Variants in TCF3 observed in about 807,000 individuals in gnomAD.
TCF3 encodes transcription factor E2-alpha.
In TCF3, 54 loss-of-function variants were observed where a neutral mutation model predicts 72.3. The ratio of observed to expected loss-of-function variants is 0.75; its 90% CI spans 0.60 to 0.94. The LOEUF (loss-of-function observed/expected upper bound fraction) is 0.94. Ranked by LOEUF, TCF3 falls within the 40% of genes least tolerant of loss-of-function variation. The pLI is 0.00. For missense variants in TCF3, 1,078 were observed against 934.4 expected, an observed-to-expected ratio of 1.15 and a Z score of -2.00; for synonymous variants, 525 against 412.6, an observed-to-expected ratio of 1.27 and a Z score of -3.30.
chr19:1,650,842 A>C (rs1168183309), intron 1 of TCF3: 1 of 231,456 alleles, frequency 4.3e-6, no homozygotes, highest in Admixed American at 5.6e-5. Context: ...AAACTCTTTT[A>C]CAAGCTTCAA....
rs1039829918 is a variant in TCF3 at position 1,609,435 on chromosome 19, A to C, written c.*2272T>G. ...GTATACAATTATTTTCTTTAAAAAA[A>C]TTTTTTTGAAAACCATCTTGAGGCA... On this transcript the variant is annotated 3_prime_UTR_variant, in exon 19 of 19. Transcript: ENST00000262965. 2 of 205,068 alleles carry C rather than the reference A, an allele frequency of 9.8e-6. No homozygotes were observed. Among genetic ancestry groups the C allele is most frequent in the Non-Finnish European group, 2.0e-5 (2 of 101,100 alleles). 12.7% of individuals were successfully genotyped at this position (205,068 alleles called of 1,614,324 possible).
chr19:1,614,537 CAG>C lies in TCF3; in HGVS notation c.1822+746_1822+747del, dbSNP rs1372911870. On this transcript the variant is annotated intron_variant, in intron 18 of 18. Transcript: ENST00000262965. The surrounding 1 kb of genome is among the most constrained non-coding windows in gnomAD (Gnocchi z 5.6). ...GCGCGAGGCGTGCCACACACGGCTGCAGAGACTCGGAAACCTTAGAGCTGAGG... is the reference window on the plus strand; with the variant it reads ...GCGCGAGGCGTGCCACACACGGCTGCAGACTCGGAAACCTTAGAGCTGAGG... 1.3e-5 allele frequency among the ~76,000 whole-genome samples: 2 copies of C among 152,242 alleles called. No individual in the cohort carries two copies. The highest frequency in any genetic ancestry group is 3.9e-4 in the East Asian group (2 of 5,168).
rs776832736 is a variant in TCF3 at position 1,619,240 on chromosome 19, G to A, written c.1327-6C>T. ...TCGGGGTGGCTGCCTCCAACCTGCA[G>A]GCGTGGGGAGACGGGTGCATCAGGG... On this transcript the variant is annotated splice_region_variant and splice_polypyrimidine_tract_variant and intron_variant, in intron 15 of 18. Transcript: ENST00000262965. 1 of 1,589,824 alleles carries A rather than the reference G, an allele frequency of 6.3e-7. No homozygotes were observed. Among genetic ancestry groups the A allele is most frequent in the Non-Finnish European group, 8.5e-7 (1 of 1,174,654 alleles).
At chr19:1,636,016 C>G (rs2064350580) in intron 3 of TCF3, among the ~76,000 whole-genome samples, 1 of 152,216 alleles carries the variant, frequency 6.6e-6, no homozygotes, top group African/African-American at 2.4e-5. Flanking sequence ...GCAGCCTGTC[C>G]CACCGCCCTG....
At position 1,615,458 on chromosome 19, in the gene TCF3, C is replaced by T. The variant is rs1218052775; in HGVS notation, c.1649G>A (p.Arg550His). The change falls in exon 18 of 19, where the codon CGC (arginine) becomes CAC (histidine). Residue 550 changes from arginine to histidine, a missense_variant. Coordinates refer to ENST00000262965, the MANE Select transcript of TCF3 (RefSeq NM_003200.5). This position sits in a 1 kb window ranked among gnomAD's most constrained non-coding sequence, Gnocchi z 7.3. ...CTCCCGGGCGTTATTGGCCACCCGG[C>T]GCTCCTTCTCCCGCTCGGCCTTCTG... ...PEQKAEREKE[R>H]RVANNARERL... The T allele has an allele frequency of 4.3e-6, 7 of 1,612,822 alleles. No homozygotes were observed. The highest frequency in any genetic ancestry group is 2.2e-5 in the East Asian group (1 of 44,876).
chr19:1,651,216 C>T (rs1000054026), intron 1 of TCF3: 6 of 228,862 alleles, frequency 2.6e-5, no homozygotes, highest in African/African-American at 4.4e-5. Context: ...GCACTCCAGG[C>T]CCCTCCAGTC....
chr19:1,635,739 T>C (rs2064306481), intron 3 of TCF3, among the ~76,000 whole-genome samples: 1 of 152,168 alleles, frequency 6.6e-6, no homozygotes, highest in South Asian at 2.1e-4. Context: ...TCAAGCACAT[T>C]AAAAATTACA....
chr19:1,633,018 T>C (rs1599840028), intron 3 of TCF3, among the ~76,000 whole-genome samples: 1 of 148,898 alleles, frequency 6.7e-6, no homozygotes, highest in Middle Eastern at 3.4e-3. Context: ...ACAAGCCCAG[T>C]GTGGAGACCA....
chr19:1,622,957 G>A (rs752850899), intron 8 of TCF3, among the ~76,000 whole-genome samples: 4 of 152,222 alleles, frequency 2.6e-5, no homozygotes, highest in African/African-American at 4.8e-5. Context: ...GTGCTGGAGC[G>A]GGAAGTATGC....
At chr19:1,624,694 C>CACGG (rs1312818325) in intron 7 of TCF3, among the ~76,000 whole-genome samples, 3 of 152,236 alleles carry the variant, frequency 2.0e-5, no homozygotes, top group Non-Finnish European at 4.4e-5. Context: ...CCTGATCACT[C>CACGG]ACGGACGTGC....
intron 3 of TCF3, among the ~76,000 whole-genome samples, chr19:1,635,926 GGTCACTA>G (rs2064334444): frequency 2.0e-5 from 3 of 152,154 alleles, no homozygotes; most frequent in African/African-American, 7.2e-5. Flanking sequence ...CCCGATACAG[GGTCACTA>G]TGACCCCCCA....
chr19:1,621,835 T>C lies in TCF3; in HGVS notation c.955+3A>G, dbSNP rs774512132. The C allele has an allele frequency of 3.8e-6, 6 of 1,585,416 alleles. No individual in the cohort carries two copies. In the Admixed American group the frequency reaches 5.4e-5, roughly 14 times the overall value. ...GAGGCCGCATCCCAGGGAGGGGCCATACCCAGGAGGCTGTCGGCCCCGCTG... is the reference window on the plus strand; with the variant it reads ...GAGGCCGCATCCCAGGGAGGGGCCACACCCAGGAGGCTGTCGGCCCCGCTG... On this transcript the variant is annotated splice_donor_region_variant and intron_variant, in intron 11 of 18. Transcript: ENST00000262965.
Position 1,614,650 on chromosome 19 carries a change from A to G in TCF3, c.1822+635T>C, listed in dbSNP as rs1038023566. ...AGAAAGGGTTAACGGGGTGCAGGCG[A>G]GGAAAGGAAGGAGTTAAGGAAGCAG... On this transcript the variant is annotated intron_variant, in intron 18 of 18. Transcript: ENST00000262965. The surrounding 1 kb of genome is among the most constrained non-coding windows in gnomAD (Gnocchi z 5.6). Among the ~76,000 whole-genome samples the G allele has an allele frequency of 6.6e-6, 1 of 152,020 alleles. No homozygotes were observed. The highest frequency in any genetic ancestry group is 2.4e-5 in the African/African-American group (1 of 41,382).
chr19:1,621,667 A>T (rs1270596438), intron 11 of TCF3, among the ~76,000 whole-genome samples, 171 bp downstream of exon 11: 2 of 152,192 alleles, frequency 1.3e-5, no homozygotes. Flanking sequence ...CCCAAGCCCA[A>T]CGCACGTGGC....
At chr19:1,651,946 C>T (rs1035332215) in intron 1 of TCF3, among the ~76,000 whole-genome samples, 1 of 151,254 alleles carries the variant, frequency 6.6e-6, no homozygotes, top group Non-Finnish European at 1.5e-5. Flanking sequence ...AAGGGGGCGC[C>T]CCGGGGTCCC....
At chr19:1,640,647 T>C (rs181150516) in intron 3 of TCF3, among the ~76,000 whole-genome samples, 60 of 151,354 alleles carry the variant, frequency 4.0e-4, no homozygotes, top group Non-Finnish European at 7.4e-4. Flanking sequence ...TGAAACCCCG[T>C]CTCTACTAAA....
intron 7 of TCF3, 103 bp downstream of exon 7, chr19:1,625,473 G>A (rs547250939): frequency 2.2e-5 from 30 of 1,358,612 alleles, no homozygotes; most frequent in Admixed American, 7.3e-5. Flanking sequence ...TGGAAGGTGC[G>A]GGGTCTGCTC....
At chr19:1,619,599 T>C (rs1483620942) in intron 14 of TCF3, 125 bp from the exon 15 acceptor site, 16 of 1,401,844 alleles carry the variant, frequency 1.1e-5, no homozygotes, top group African/African-American at 2.9e-5. Context: ...AAGCTGCATA[T>C]GCCAGGCATC....
At chr19:1,650,149 CG>C (rs1568530190) in intron 2 of TCF3, 27 bp downstream of exon 2, 3 of 1,522,304 alleles carry the variant, frequency 2.0e-6, no homozygotes, top group Admixed American at 2.0e-5. Context: ...AAAGGGGTGT[CG>C]GGGGCTGGGC....
Sources: gnomAD v4.1 joint callset for allele counts (sites outside exome capture counted in the v4.1 genomes callset) on GRCh38, gnomAD v4.1.1 for gene constraint, Gnocchi (gnomAD v3.1) non-coding constraint, MANE v1.5 for transcripts, NCBI Gene and HGNC (gene_info 2026-07-23, HGNC 2026-07-21) for gene names.